The following PIGK variants were observed in gnomAD, a reference collection of about 807,000 sequenced individuals.
The protein encoded by PIGK is GPI-anchor transamidase.
PIGK carries 42 observed loss-of-function variants against 50.6 expected under a neutral mutation model. That is an observed-to-expected ratio of 0.83 (90% CI 0.65 to 1.07). The LOEUF (loss-of-function observed/expected upper bound fraction) is 1.07, where lower values mean the gene tolerates loss of function less well. Among genes scored for constraint, PIGK ranks in the 50% least tolerant of loss-of-function variants. The pLI, the probability that PIGK is intolerant of heterozygous loss-of-function variation, is 0.00. For missense variants in PIGK, 448 were observed against 488.7 expected, an observed-to-expected ratio of 0.92 and a Z score of 0.78; for synonymous variants, 151 against 156.0, an observed-to-expected ratio of 0.97 and a Z score of 0.24.
intron 9 of PIGK, among the ~76,000 whole-genome samples, chr1:77,144,243 T>C (rs1487663528): frequency 6.6e-6 from 1 of 151,834 alleles, no homozygotes; most frequent in African/African-American, 2.4e-5. Flanking sequence ...AACAATAATA[T>C]TACAATTAGT....
chr1:77,156,924 T>C (rs918218822), intron 8 of PIGK, among the ~76,000 whole-genome samples: 2 of 152,052 alleles, frequency 1.3e-5, no homozygotes, highest in Admixed American at 1.3e-4. Flanking sequence ...TGAGGAAACA[T>C]CACAAATATA....
intron 10 of PIGK, among the ~76,000 whole-genome samples, chr1:77,102,363 C>A (rs1283085563): frequency 6.6e-6 from 1 of 152,094 alleles, no homozygotes; most frequent in East Asian, 1.9e-4. Flanking sequence ...ATTTGCTAAT[C>A]CATTGACCTT....
In PIGK at chr1:77,089,863, A is replaced by G. The variant is rs370208778; in HGVS notation, c.*2511T>C. ...CAGGCTGCCTTTGCAGGATGGCATCATTATACCCTGTCCCTCCCTGAAATG... is the reference window on the plus strand; with the variant it reads ...CAGGCTGCCTTTGCAGGATGGCATCGTTATACCCTGTCCCTCCCTGAAATG... On this transcript the variant is annotated 3_prime_UTR_variant, in exon 11 of 11. Transcript: ENST00000370812. 17 of 152,632 alleles carry G rather than the reference A, an allele frequency of 1.1e-4. No individual in the cohort carries two copies. In the East Asian group the frequency reaches 2.9e-3, roughly 26 times the overall value. The allele number at this position is 152,632 out of a possible 1,614,324, so 9.5% of individuals were successfully genotyped here.
rs190040566 is a variant in PIGK, at chr1:77,167,263, C to T, written c.376-433G>A. Among the ~76,000 whole-genome samples, 6 of 151,894 alleles carry T rather than the reference C, an allele frequency of 4.0e-5. No homozygotes were observed. The East Asian group carries it at 1.2e-3, about 30-fold the overall frequency. ...CTACTCAGAAGGCTGAGGCAGAAGG[C>T]TCATTTGAGCCCAGGAGTTCACCAC... On this transcript the variant is annotated intron_variant, in intron 4 of 10. Transcript: ENST00000370812.
At chr1:77,201,827 T>C (rs2100583085) in intron 3 of PIGK, among the ~76,000 whole-genome samples, 1 of 151,858 alleles carries the variant, frequency 6.6e-6, no homozygotes, top group South Asian at 2.1e-4. Flanking sequence ...GAGGTCAAGG[T>C]GGGAGGATCA....
intron 3 of PIGK, among the ~76,000 whole-genome samples, chr1:77,182,547 CACAT>C (rs950117889): frequency 2.6e-4 from 40 of 152,150 alleles, no homozygotes; most frequent in Admixed American, 7.8e-4. Flanking sequence ...CACACACACA[CACAT>C]ATGTGAGTTT....
At chr1:77,127,019 A>AT (rs1341093906) in intron 9 of PIGK, among the ~76,000 whole-genome samples, 1 of 152,058 alleles carries the variant, frequency 6.6e-6, no homozygotes, top group Non-Finnish European at 1.5e-5. Context: ...TTGCTTTACT[A>AT]TTTTTTTAAA....
intron 9 of PIGK, among the ~76,000 whole-genome samples, chr1:77,138,477 CAAT>C (rs1654571274): frequency 1.3e-5 from 2 of 152,190 alleles, no homozygotes; most frequent in South Asian, 2.1e-4. Flanking sequence ...ATTTTGTCAA[CAAT>C]GAGTGAGCTT....
At chr1:77,179,028 C>G (rs368188201) in intron 3 of PIGK, among the ~76,000 whole-genome samples, 1 of 152,170 alleles carries the variant, frequency 6.6e-6, no homozygotes, top group East Asian at 1.9e-4. Context: ...TAGGCCCCAA[C>G]AGACCACAAA....
Position 77,115,561 on chromosome 1 carries a change from C to T in PIGK, c.1071+6714G>A, listed in dbSNP as rs149786599. Reference sequence around the variant, plus strand: ...AGTCCTGCACAATGAAAGAACTGTCCCATCCAAATACCTAGAATACTCCCA... The same window carrying T: ...AGTCCTGCACAATGAAAGAACTGTCTCATCCAAATACCTAGAATACTCCCA... On this transcript the variant is annotated intron_variant, in intron 10 of 10. Transcript: ENST00000370812. Among the ~76,000 whole-genome samples the T allele has an allele frequency of 5.3e-5, 8 of 152,040 alleles. 1 individual carries two copies. Among genetic ancestry groups the T allele is most frequent in the African/African-American group, 1.7e-4 (7 of 41,484 alleles).
intron 3 of PIGK, among the ~76,000 whole-genome samples, chr1:77,188,467 C>G (rs900565089): frequency 3.3e-5 from 5 of 152,156 alleles, no homozygotes; most frequent in Non-Finnish European, 5.9e-5. Context: ...ATCTCAAAAC[C>G]CTGTCTCCTG....
intron 10 of PIGK, among the ~76,000 whole-genome samples, chr1:77,095,976 A>T (rs1316381017): frequency 6.6e-6 from 1 of 152,154 alleles, no homozygotes; most frequent in Non-Finnish European, 1.5e-5. Context: ...CCTCCCAAAC[A>T]TGAGAAATAA....
At chr1:77,153,320 G>T (rs1654933809) in intron 9 of PIGK, among the ~76,000 whole-genome samples, 1 of 152,084 alleles carries the variant, frequency 6.6e-6, no homozygotes, top group African/African-American at 2.4e-5. Context: ...ATGTCAAGGA[G>T]GTAGAGGGTA....
At chr1:77,119,236 A>G (rs576880273) in intron 10 of PIGK, among the ~76,000 whole-genome samples, 6 of 152,326 alleles carry the variant, frequency 3.9e-5, no homozygotes, top group African/African-American at 1.4e-4. Context: ...GAATTGCTAA[A>G]TTGGGAGAAT....
chr1:77,191,148 T>A (rs956759888), intron 3 of PIGK, among the ~76,000 whole-genome samples: 1 of 152,236 alleles, frequency 6.6e-6, no homozygotes. Context: ...TACAAGTTAC[T>A]ATCTTTCTGA....
At chr1:77,092,589 G>T in intron 10 of PIGK, 99 bp from the exon 11 acceptor site, 1 of 725,494 alleles carries the variant, frequency 1.4e-6, no homozygotes, top group Admixed American at 2.4e-5. Flanking sequence ...CACTGGTTGT[G>T]TTTGAATGGG....
At chr1:77,105,128 T>C (rs907688907) in intron 10 of PIGK, among the ~76,000 whole-genome samples, 2 of 152,118 alleles carry the variant, frequency 1.3e-5, no homozygotes, top group African/African-American at 4.8e-5. Context: ...AAAACAGCTC[T>C]CAGTGGACAA....
intron 3 of PIGK, among the ~76,000 whole-genome samples, chr1:77,184,190 G>A (rs1553184690): frequency 1.5e-5 from 2 of 135,174 alleles, no homozygotes; most frequent in Non-Finnish European, 3.3e-5. Context: ...TAGAGCTCTG[G>A]CACTGGCTAA....
At chr1:77,196,692 T>C (rs1170084697) in intron 3 of PIGK, among the ~76,000 whole-genome samples, 1 of 152,126 alleles carries the variant, frequency 6.6e-6, no homozygotes, top group Non-Finnish European at 1.5e-5. Flanking sequence ...GAGTTGTTTA[T>C]GTTCCTTATA....
Sources: gnomAD v4.1 joint callset for allele counts (sites outside exome capture counted in the v4.1 genomes callset) on GRCh38, gnomAD v4.1.1 for gene constraint, MANE v1.5 for transcripts, NCBI Gene and HGNC (gene_info 2026-07-23, HGNC 2026-07-21) for gene names.